The following PREX2 variants were observed in gnomAD, a reference collection of about 807,000 sequenced individuals.
PREX2 encodes the protein phosphatidylinositol-3,4,5-trisphosphate dependent Rac exchange factor 2.
PREX2 carries 107 observed loss-of-function variants against 203.2 expected under a neutral mutation model. The observed-to-expected ratio is 0.53, with a 90% confidence interval of 0.45 to 0.62. The LOEUF is 0.62. PREX2 is among the 20% of genes least tolerant of loss of function. PREX2 has a pLI of 0.00. For missense variants in PREX2, 1,777 were observed against 1,955.9 expected (o/e 0.91, Z 1.72); for synonymous variants, 672 against 663.6 (o/e 1.01, Z -0.19).
intron 29 of PREX2, 86 bp from the exon 30 acceptor site, chr8:68,120,835 A>T: frequency 8.8e-7 from 1 of 1,141,496 alleles, no homozygotes; most frequent in Non-Finnish European, 1.2e-6. Context: ...CTAGGACAAC[A>T]GTGACAGAAG....
chr8:67,988,047 A>G (rs1250359938), intron 1 of PREX2, among the ~76,000 whole-genome samples: 2 of 152,250 alleles, frequency 1.3e-5, no homozygotes, highest in African/African-American at 2.4e-5. Context: ...GTTCCCTCGC[A>G]AAATGAATGC....
intron 35 of PREX2, among the ~76,000 whole-genome samples, chr8:68,175,981 C>G (rs572625170): frequency 6.6e-6 from 1 of 152,066 alleles, no homozygotes; most frequent in African/African-American, 2.4e-5. Flanking sequence ...TAGTTCTATT[C>G]CATTCATAAT....
chr8:68,119,518 C>T lies in PREX2; in HGVS notation c.3504+4C>T, dbSNP rs775130774. On this transcript the variant is annotated splice_donor_region_variant and intron_variant, in intron 28 of 39. Coordinates refer to ENST00000288368, the MANE Select transcript of PREX2 (RefSeq NM_024870.4). ...CCTTGAGCATCTTTTCAGCCAGGTA[C>T]AATCGGGCATTTGTGGGGCTTTTGT... The T allele has an allele frequency of 6.2e-6, 10 of 1,608,702 alleles. No homozygotes were observed. In the African/African-American group the frequency reaches 1.2e-4, roughly 19 times the overall value.
chr8:68,053,130 A>C lies in PREX2; in HGVS notation c.977A>C (p.Asn326Thr). 6.2e-7 allele frequency: 1 copy of C among 1,613,500 alleles called. No individual in the cohort carries two copies. Among genetic ancestry groups the C allele is most frequent in the African/African-American group, 1.3e-5 (1 of 75,006 alleles). The change falls in exon 9 of 40, where the codon AAT becomes ACT. Residue 326 changes from asparagine (N) to threonine (T), a missense_variant. By Grantham distance (65) the Asn-to-Thr change is moderately conservative. Coordinates refer to ENST00000288368, the MANE Select transcript of PREX2 (RefSeq NM_024870.4). Reference protein sequence around the residue: ...DFHSSGHIVVNGWKIHNTAKN... With the variant: ...DFHSSGHIVVTGWKIHNTAKN... ...CATAGCAGTGGACACATTGTTGTTA[A>C]TGGATGGAAGATACATAACACAGCA...
intron 11 of PREX2, among the ~76,000 whole-genome samples, chr8:68,063,515 T>C (rs779488636): frequency 3.9e-5 from 6 of 152,200 alleles, no homozygotes; most frequent in Non-Finnish European, 8.8e-5. Context: ...TCACTCATCC[T>C]CTGCCACGGA....
chr8:68,058,212 C>G (rs190311762), intron 10 of PREX2, among the ~76,000 whole-genome samples: 3 of 152,224 alleles, frequency 2.0e-5, no homozygotes, highest in Admixed American at 6.5e-5. Context: ...AAAAATATTT[C>G]CAATTTATAG....
intron 10 of PREX2, among the ~76,000 whole-genome samples, chr8:68,058,405 T>G (rs1474344806): frequency 6.6e-6 from 1 of 151,954 alleles, no homozygotes; most frequent in African/African-American, 2.4e-5. Context: ...TGTCATCTCA[T>G]TTAATCCTTT....
At chr8:68,172,111 G>C (rs919052492) in intron 35 of PREX2, among the ~76,000 whole-genome samples, 1 of 152,068 alleles carries the variant, frequency 6.6e-6, no homozygotes, top group Non-Finnish European at 1.5e-5. Flanking sequence ...ATTCATTTCT[G>C]TGTGCAGACT....
intron 7 of PREX2, among the ~76,000 whole-genome samples, chr8:68,038,642 C>T (rs1808104284): frequency 1.3e-5 from 2 of 152,038 alleles, no homozygotes; most frequent in Admixed American, 1.3e-4. Flanking sequence ...AATCATTTCC[C>T]CCTCTTCCTT....
chr8:68,030,942 T>G lies in PREX2; in HGVS notation c.705+284T>G, dbSNP rs1458346518. On this transcript the variant is annotated intron_variant, in intron 6 of 39. Coordinates refer to ENST00000288368, the MANE Select transcript of PREX2 (RefSeq NM_024870.4). Reference sequence around the variant, plus strand: ...TAGCATTTATGCATCATGATGATCCTGTTCCTCTCTCAACTTTGGCCATAA... The same window carrying G: ...TAGCATTTATGCATCATGATGATCCGGTTCCTCTCTCAACTTTGGCCATAA... Among the ~76,000 whole-genome samples, 8 of 152,178 alleles carry G rather than the reference T, an allele frequency of 5.3e-5. No individual in the cohort carries two copies. In the East Asian group the frequency reaches 1.5e-3, roughly 29 times the overall value.
At chr8:68,081,390 A>G (rs1283863414) in intron 17 of PREX2, among the ~76,000 whole-genome samples, 1 of 152,076 alleles carries the variant, frequency 6.6e-6, no homozygotes, top group Non-Finnish European at 1.5e-5. Flanking sequence ...ACTGGTCCGC[A>G]GCCTGGGATT....
chr8:68,082,834 T>G lies in PREX2; in HGVS notation c.1879-406T>G, dbSNP rs774692589. 63 of 159,096 alleles carry G rather than the reference T, an allele frequency of 4.0e-4. 1 individual carries two copies. The highest frequency in any genetic ancestry group is 6.9e-5 in the Non-Finnish European group (5 of 72,106). The allele number at this position is 159,096 out of a possible 1,614,324, so 9.9% of individuals were successfully genotyped here. ...GCTATGTCAGGCTAGAGATACATATTTGGGTGTCATTGATGTAGATACAGA... is the reference window on the plus strand; with the variant it reads ...GCTATGTCAGGCTAGAGATACATATGTGGGTGTCATTGATGTAGATACAGA... On this transcript the variant is annotated intron_variant, in intron 17 of 39. Coordinates refer to ENST00000288368, the MANE Select transcript of PREX2 (RefSeq NM_024870.4).
intron 33 of PREX2, among the ~76,000 whole-genome samples, chr8:68,143,189 C>T (rs1811259237): frequency 6.6e-6 from 1 of 151,930 alleles, no homozygotes; most frequent in African/African-American, 2.4e-5. Flanking sequence ...ATTGTAATCC[C>T]CAGTGTTGGA....
chr8:68,126,852 C>T (rs1298277971), intron 30 of PREX2, among the ~76,000 whole-genome samples: 2 of 151,716 alleles, frequency 1.3e-5, no homozygotes, highest in African/African-American at 2.4e-5. Context: ...TATATATATA[C>T]ACACACGTAT....
rs527908773 is a variant in PREX2 at position 68,117,217 on chromosome 8, G to T, written c.3326+1285G>T. 2.6e-5 allele frequency among the ~76,000 whole-genome samples: 4 copies of T among 152,230 alleles called. No homozygotes were observed. The South Asian group carries it at 8.3e-4, about 32-fold the overall frequency. On this transcript the variant is annotated intron_variant, in intron 26 of 39. Coordinates refer to ENST00000288368, the MANE Select transcript of PREX2 (RefSeq NM_024870.4). ...AGGAAGATTTTACATAATCCTCACC[G>T]CAAGCCTCGGTGGCAGGTTCTGATA...
intron 1 of PREX2, among the ~76,000 whole-genome samples, chr8:67,987,735 A>G (rs1161130078): frequency 6.6e-6 from 1 of 152,062 alleles, no homozygotes; most frequent in Non-Finnish European, 1.5e-5. Flanking sequence ...CTCGGTCTGT[A>G]ATGCTCACAC....
At chr8:68,216,971 A>AC (rs201366912) in intron 37 of PREX2, among the ~76,000 whole-genome samples, 75 of 79,966 alleles carry the variant, frequency 9.4e-4, no homozygotes, top group African/African-American at 5.8e-4. Flanking sequence ...AAAAAAACAA[A>AC]AAAAAAAAAA....
chr8:68,112,364 G>T (rs1810551406), intron 25 of PREX2, among the ~76,000 whole-genome samples: 1 of 152,174 alleles, frequency 6.6e-6, no homozygotes, highest in Non-Finnish European at 1.5e-5. Flanking sequence ...CTCACAGGGA[G>T]GAAAGGGGAC....
In PREX2 at chr8:68,097,760, G is replaced by C. The variant is rs549466942; in HGVS notation, c.2553+559G>C. On this transcript the variant is annotated intron_variant, in intron 22 of 39. Coordinates refer to ENST00000288368, the MANE Select transcript of PREX2 (RefSeq NM_024870.4). ...GGCAGGTGTTCATTGATATGGCAAAGACTTCACAGCATTTAAGTTTGCTGT... is the reference window on the plus strand; with the variant it reads ...GGCAGGTGTTCATTGATATGGCAAACACTTCACAGCATTTAAGTTTGCTGT... Among the ~76,000 whole-genome samples, 151 of 152,330 alleles carry C rather than the reference G, an allele frequency of 9.9e-4. 1 individual carries two copies. Among genetic ancestry groups the C allele is most frequent in the Admixed American group, 2.1e-3 (32 of 15,290 alleles).
Sources: allele counts gnomAD v4.1 joint callset (sites outside exome capture counted in the v4.1 genomes callset), GRCh38; gene constraint gnomAD v4.1.1; transcripts MANE v1.5; gene names NCBI Gene and HGNC (gene_info 2026-07-23, HGNC 2026-07-21).